Variants in ATM observed in about 807,000 individuals in gnomAD.
ATM encodes the protein serine-protein kinase ATM.
A neutral mutation model predicts 387.0 loss-of-function variants in ATM; 308 were observed. That is an observed-to-expected ratio of 0.80 (90% CI 0.73 to 0.87). The LOEUF is 0.87. Ranked by LOEUF, ATM falls within the 40% of genes least tolerant of loss-of-function variation. ATM has a pLI of 0.00. For synonymous variants in ATM, 1,156 were observed against 1,187.3 expected (o/e 0.97, Z 0.54); for missense variants, 3,312 against 3,560.9 (o/e 0.93, Z 1.78).
At chr11:108,280,512 A>G (rs549854859) in intron 23 of ATM, among the ~76,000 whole-genome samples, 4 of 151,680 alleles carry the variant, frequency 2.6e-5, no homozygotes, top group Admixed American at 6.6e-5. Context: ...TTATGGGTAC[A>G]TAGTAGGGGT....
chr11:108,298,024 G>A (rs1404299082), intron 33 of ATM, among the ~76,000 whole-genome samples: 2 of 152,090 alleles, frequency 1.3e-5, no homozygotes, highest in African/African-American at 4.8e-5. Flanking sequence ...TTGTTATGTA[G>A]CAGACATAAG....
Position 108,268,388 on chromosome 11 carries a change from A to G in ATM, c.2639-22A>G, listed in dbSNP as rs1555083055. 1 of 1,608,438 alleles carries G rather than the reference A, an allele frequency of 6.2e-7. No individual in the cohort carries two copies. Among genetic ancestry groups the G allele is most frequent in the South Asian group, 1.1e-5 (1 of 90,878 alleles). ...GCTGTTGTGCCCTTCTCTTAGTGTTAATGAGTGCTTTTTATTTTTAGGTGC... is the reference window on the plus strand; with the variant it reads ...GCTGTTGTGCCCTTCTCTTAGTGTTGATGAGTGCTTTTTATTTTTAGGTGC... On this transcript the variant is annotated intron_variant, in intron 17 of 62. Transcript: ENST00000675843.
At chr11:108,279,737 A>C (rs1398948041) in intron 23 of ATM, 129 bp downstream of exon 23, 1 of 756,438 alleles carries the variant, frequency 1.3e-6, no homozygotes, top group Non-Finnish European at 2.3e-6. Context: ...GCTCTAAAAC[A>C]ACTGTATGAA....
rs1057520430 is a variant in ATM, at chr11:108,329,110, T to G, written c.7179T>G (p.Phe2393Leu). 6.2e-7 allele frequency: 1 copy of G among 1,614,112 alleles called. No individual in the cohort carries two copies. The highest frequency in any genetic ancestry group is 8.5e-7 in the Non-Finnish European group (1 of 1,179,998). The change falls in exon 49 of 63, where the codon TTT becomes TTG. Residue 2393 changes from phenylalanine to leucine, a missense_variant. Around this residue, in one of 4 missense-constraint regions of ATM, gnomAD observed 1,405 missense variants for 1,604.4 expected, o/e 0.88. Transcript: ENST00000675843. The stretch of plus-strand genomic sequence containing the variant: ...AGGCATTTCTCTCATTAGCCCGGTT[T>G]TCAGATACTCAATACCAAAGAATTG... ...KMKAFLSLAR[F>L]SDTQYQRIEN...
At position 108,305,887 on chromosome 11, in the gene ATM, T is replaced by A. The variant is rs979862215; in HGVS notation, c.5674+1035T>A. ...TATTGTTAACTGTCTTTATTATATA[T>A]TATTAATGTGTTTTATATGCAAACA... On this transcript the variant is annotated intron_variant, in intron 37 of 62. Coordinates refer to ENST00000675843, the MANE Select transcript of ATM (RefSeq NM_000051.4). Among the ~76,000 whole-genome samples the A allele has an allele frequency of 2.0e-5, 3 of 152,196 alleles. No individual in the cohort carries two copies. The East Asian group carries it at 5.8e-4, about 29-fold the overall frequency.
rs557486005 is a variant in ATM at position 108,280,163 on chromosome 11, G to A, written c.3402+555G>A. On this transcript the variant is annotated intron_variant, in intron 23 of 62. Transcript: ENST00000675843. ...GTCTGTGATAGCAGGAAATTGAAAG[G>A]AACAATTGAAAGAATGTGAGTTTAG... Among the ~76,000 whole-genome samples the A allele has an allele frequency of 2.0e-5, 3 of 152,162 alleles. No individual in the cohort carries two copies. The South Asian group carries it at 6.2e-4, about 32-fold the overall frequency.
In ATM at chr11:108,331,495, T is replaced by G; in HGVS notation, c.7567T>G (p.Leu2523Val). ...TAAATTTTTGCCTCTTATGTACCAA[T>G]TGGCTGCTAGAATGGGGACCAAGAT... ...TYKFLPLMYQ[L>V]AARMGTKMMG... The change falls in exon 51 of 63, where the codon TTG becomes GTG. Residue 2523 changes from leucine to valine, a missense_variant. Leu to Val is a conservative substitution (Grantham distance 32, BLOSUM62 1). Transcript: ENST00000675843. 6.2e-7 allele frequency: 1 copy of G among 1,613,566 alleles called. No homozygotes were observed. Among genetic ancestry groups the G allele is most frequent in the Non-Finnish European group, 8.5e-7 (1 of 1,179,778 alleles).
At chr11:108,359,594 A>C (rs1360975599) in intron 61 of ATM, among the ~76,000 whole-genome samples, 6 of 152,190 alleles carry the variant, frequency 3.9e-5, no homozygotes, top group East Asian at 1.9e-4. Context: ...ATAACAAACT[A>C]TCTCTCAGAC....
chr11:108,267,177 T>G lies in ATM; in HGVS notation c.2473T>G (p.Phe825Val), dbSNP rs2081300268. Residue 825 changes from phenylalanine (F) to valine (V), a missense_variant, in exon 17 of 63, where the codon TTC becomes GTC. Around this residue, in one of 4 missense-constraint regions of ATM, gnomAD observed 1,791 missense variants for 1,804.5 expected, o/e 0.99. Transcript: ENST00000675843. Reference protein sequence around the residue: ...IADICKSLASFIKKPFDRGEV... With the variant: ...IADICKSLASVIKKPFDRGEV... ...TTGTTTCTCTTCCTTGAAGGCATCC[T>G]TCATCAAAAAGCCATTTGACCGTGG... is the stretch of plus-strand genomic sequence containing the variant. The G allele has an allele frequency of 6.2e-7, 1 of 1,613,978 alleles. No individual in the cohort carries two copies. Among genetic ancestry groups the G allele is most frequent in the Non-Finnish European group, 8.5e-7 (1 of 1,179,940 alleles).
intron 49 of ATM, 22 bp from the exon 50 acceptor site, chr11:108,330,192 T>A: frequency 1.2e-6 from 2 of 1,606,850 alleles, no homozygotes; most frequent in Non-Finnish European, 1.7e-6. Flanking sequence ...TTTTGTGTTT[T>A]ACCTTAATTA....
rs1555073490 is a variant in ATM at position 108,254,019 on chromosome 11, C to G, written c.2104C>G (p.Leu702Val). ...TCTTCTGGGATTATCAGAACAGCTTCTGAATAATTACTCATCTGAGGTGAG... is the reference window on the plus strand; with the variant it reads ...TCTTCTGGGATTATCAGAACAGCTTGTGAATAATTACTCATCTGAGGTGAG... ...RCLLGLSEQL[L>V]NNYSSEITNS... Residue 702 changes from leucine (L) to valine (V), a missense_variant, in exon 13 of 63, where the codon CTG becomes GTG. Leu to Val is a conservative substitution (Grantham distance 32). Transcript: ENST00000675843. 1.2e-6 allele frequency: 2 copies of G among 1,613,720 alleles called. No individual in the cohort carries two copies. Among genetic ancestry groups the G allele is most frequent in the Non-Finnish European group, 1.7e-6 (2 of 1,179,908 alleles).
At chr11:108,308,535 G>C (rs1565487259) in intron 38 of ATM, 1 of 188,124 alleles carries the variant, frequency 5.3e-6, no homozygotes, top group Non-Finnish European at 1.1e-5. Context: ...ATTTTTAACA[G>C]TGCATACAGA....
At chr11:108,265,418 CT>C in intron 16 of ATM, among the ~76,000 whole-genome samples, 1 of 152,266 alleles carries the variant, frequency 6.6e-6, no homozygotes, top group East Asian at 1.9e-4. Flanking sequence ...GCTGGGAAAA[CT>C]GGCTAGCCAT....
rs1356598352 is a variant in ATM, at chr11:108,273,436, G to A, written c.3284+584G>A. On this transcript the variant is annotated intron_variant, in intron 22 of 62. Transcript: ENST00000675843. Reference sequence around the variant, plus strand: ...GGTTCACTTCAGCCTCTACCTCCTCGGTTCAAGCAATTCTCCTGCCTCATC... The same window carrying A: ...GGTTCACTTCAGCCTCTACCTCCTCAGTTCAAGCAATTCTCCTGCCTCATC... Among the ~76,000 whole-genome samples, 6 of 143,600 alleles carry A rather than the reference G, an allele frequency of 4.2e-5. No individual in the cohort carries two copies. The East Asian group carries it at 8.3e-4, about 20-fold the overall frequency. The allele number at this position is 143,600 out of a possible 152,430, so 94.2% of individuals were successfully genotyped here. A position where few individuals can be genotyped will look rare whatever the true frequency, so the allele number is the denominator to read the frequency against.
At position 108,235,925 on chromosome 11, in the gene ATM, C is replaced by T. The variant is rs927271753; in HGVS notation, c.496+91C>T. 2.1e-6 allele frequency: 3 copies of T among 1,412,898 alleles called. No individual in the cohort carries two copies. In the South Asian group the frequency reaches 3.5e-5, roughly 16 times the overall value. 87.5% of individuals were successfully genotyped at this position (1,412,898 alleles called of 1,614,324 possible). Reference sequence around the variant, plus strand: ...CTCTGTCTGTATCTGTCTATATCCCCCAAGTGACCTGACAGTTTAACAGTA... The same window carrying T: ...CTCTGTCTGTATCTGTCTATATCCCTCAAGTGACCTGACAGTTTAACAGTA... On this transcript the variant is annotated intron_variant, in intron 5 of 62. Coordinates refer to ENST00000675843, the MANE Select transcript of ATM (RefSeq NM_000051.4).
intron 18 of ATM, among the ~76,000 whole-genome samples, chr11:108,269,252 C>T (rs1207453023): frequency 1.3e-5 from 2 of 151,990 alleles, no homozygotes; most frequent in Non-Finnish European, 2.9e-5. Flanking sequence ...TGTTTAGTCT[C>T]CTTCAATCTG....
At chr11:108,338,093 A>C (rs185493897) in intron 56 of ATM, among the ~76,000 whole-genome samples, 1 of 152,280 alleles carries the variant, frequency 6.6e-6, no homozygotes, top group African/African-American at 2.4e-5. Flanking sequence ...CCACGCCTGT[A>C]ATCCCAGTAC....
chr11:108,239,915 T>C (rs533253251), intron 5 of ATM, among the ~76,000 whole-genome samples: 1 of 152,378 alleles, frequency 6.6e-6, no homozygotes, highest in African/African-American at 2.4e-5. Context: ...CAAGCTACAC[T>C]GTCAATTATT....
rs567280556 is a variant in ATM, at chr11:108,288,883, T to A, written c.4110-94T>A. ...GAAAAATGGTTTTTGAATTTGGGGG[T>A]TATTAAAATCTAAATTTTCATTTTG... On this transcript the variant is annotated intron_variant, in intron 27 of 62. Transcript: ENST00000675843. The A allele has an allele frequency of 2.1e-5, 30 of 1,460,564 alleles. No individual in the cohort carries two copies. In the African/African-American group the frequency reaches 3.7e-4, roughly 18 times the overall value. 90.5% of individuals were successfully genotyped at this position (1,460,564 alleles called of 1,614,324 possible).
Sources: allele counts gnomAD v4.1 joint callset (sites outside exome capture counted in the v4.1 genomes callset), GRCh38; gene constraint gnomAD v4.1.1; regional missense constraint gnomAD v4.1.1; transcripts MANE v1.5; gene names NCBI Gene and HGNC (gene_info 2026-07-23, HGNC 2026-07-21).